Variants in ARSG observed in about 807,000 individuals in gnomAD.
The protein encoded by ARSG is arylsulfatase G.
In ARSG, 37 loss-of-function variants were observed where a neutral mutation model predicts 50.5. That is an observed-to-expected ratio of 0.73 (90% CI 0.56 to 0.96). The LOEUF (loss-of-function observed/expected upper bound fraction) is 0.96, where lower values mean the gene tolerates loss of function less well. Among genes scored for constraint, ARSG ranks in the 50% least tolerant of loss-of-function variants. The pLI is 0.00. For synonymous variants in ARSG, 225 were observed against 254.6 expected (o/e 0.88, Z 1.11); for missense variants, 629 against 675.3 (o/e 0.93, Z 0.76).
At chr17:68,440,738 T>C in the ARSG span, 2 of 152,196 alleles carry the variant, frequency 1.3e-5, no homozygotes, top group African/African-American at 4.8e-5. Flanking sequence ...CAAGAACCAA[T>C]GGCATCATCA....
chr17:68,424,770 G>C (rs2083046783), downstream of ARSG, among the ~76,000 whole-genome samples: 1 of 152,134 alleles, frequency 6.6e-6, no homozygotes, highest in Non-Finnish European at 1.5e-5. Context: ...GCAGCTACTC[G>C]GGAGGCTGAG....
chr17:68,426,261 TA>T (rs963018289), downstream of ARSG: 183 of 934,888 alleles, frequency 2.0e-4, 23 homozygotes, highest in Non-Finnish European at 2.8e-4. Flanking sequence ...GGGGCTCAAA[TA>T]AAGGGCAAAG....
In ARSG at chr17:68,370,362, A is replaced by G. The variant is rs904955460; in HGVS notation, c.902-82A>G. ...TTTCTATCTAGTTCCTGCTCTGCGC[A>G]AGGGATATAGGGCCAGAGTGGGAGG... On this transcript the variant is annotated intron_variant, in intron 7 of 11. Transcript: ENST00000621439. 43 of 1,265,864 alleles carry G rather than the reference A, an allele frequency of 3.4e-5. 1 individual carries two copies. The South Asian group carries it at 3.6e-4, about 11-fold the overall frequency. 78.4% of individuals were successfully genotyped at this position (1,265,864 alleles called of 1,614,324 possible). A position where few individuals can be genotyped will look rare whatever the true frequency, so the allele number is the denominator to read the frequency against.
At chr17:68,307,979 A>G (rs1555765073) in intron 2 of ARSG, among the ~76,000 whole-genome samples, 2 of 152,116 alleles carry the variant, frequency 1.3e-5, no homozygotes, top group African/African-American at 4.8e-5. Context: ...CCCTCAAGTT[A>G]TTCATTGTCT....
chr17:68,409,714 G>C (rs1237407520), intron 11 of ARSG, among the ~76,000 whole-genome samples: 2 of 149,452 alleles, frequency 1.3e-5, no homozygotes. Flanking sequence ...ACCTTGGGCA[G>C]TATGGCCATT....
intron 8 of ARSG, among the ~76,000 whole-genome samples, chr17:68,374,170 A>AAAAAAAG (rs2080021517): frequency 2.1e-5 from 3 of 144,290 alleles, no homozygotes; most frequent in African/African-American, 5.1e-5. Context: ...AAAAAAAAAA[A>AAAAAAAG]AAAAAGAAAC....
At position 68,347,181 on chromosome 17, in the gene ARSG, T is replaced by G; in HGVS notation, c.454+9T>G. On this transcript the variant is annotated intron_variant, in intron 4 of 11. Coordinates refer to ENST00000621439, the MANE Select transcript of ARSG (RefSeq NM_001267727.2). ...TCACCCCAACTTCCGTGGTAAGAAT[T>G]CTTTTGGGGATTTGTTACCTGGGAA... 6.2e-7 allele frequency: 1 copy of G among 1,613,368 alleles called. No homozygotes were observed. Among genetic ancestry groups the G allele is most frequent in the Non-Finnish European group, 8.5e-7 (1 of 1,179,370 alleles).
At chr17:68,451,177 T>G in the ARSG span, among the ~76,000 whole-genome samples, 1 of 152,206 alleles carries the variant, frequency 6.6e-6, no homozygotes, top group African/African-American at 2.4e-5. Context: ...CGCCTAGTAA[T>G]CCCAGCACTT....
At chr17:68,417,636 G>T (rs2082456376) in intron 11 of ARSG, among the ~76,000 whole-genome samples, 1 of 148,904 alleles carries the variant, frequency 6.7e-6, no homozygotes, top group South Asian at 2.1e-4. Context: ...CTGTTAAGTT[G>T]TGATTGTTTC....
intron 1 of ARSG, chr17:68,269,131 C>T (rs782767113): frequency 1.3e-6 from 2 of 1,512,822 alleles, no homozygotes; most frequent in African/African-American, 1.4e-5. Flanking sequence ...ACTCTGTGCT[C>T]ATTTTTTGCA....
chr17:68,294,651 C>T (rs782735084), intron 1 of ARSG, among the ~76,000 whole-genome samples: 6 of 152,292 alleles, frequency 3.9e-5, no homozygotes, highest in South Asian at 2.1e-4. Context: ...GTTCCACCCA[C>T]CATGCTCCCA....
intron 1 of ARSG, among the ~76,000 whole-genome samples, chr17:68,305,707 A>G (rs1240888790): frequency 4.6e-5 from 7 of 152,200 alleles, no homozygotes; most frequent in African/African-American, 1.2e-4. Flanking sequence ...AAGCACCCAT[A>G]TATCTGCTAC....
the ARSG span, chr17:68,430,109 C>T: frequency 1.2e-6 from 2 of 1,614,082 alleles, no homozygotes; most frequent in Admixed American, 1.7e-5. Context: ...TGGTAGCAGC[C>T]ATAAACATCT....
At chr17:68,339,207 A>C (rs1337583229) in intron 2 of ARSG, among the ~76,000 whole-genome samples, 1 of 152,224 alleles carries the variant, frequency 6.6e-6, no homozygotes, top group Non-Finnish European at 1.5e-5. Flanking sequence ...CTGAGGCAGA[A>C]GAATCGCTTG....
At position 68,400,313 on chromosome 17, in the gene ARSG, C is replaced by T. The variant is rs566220518; in HGVS notation, c.1213-1047C>T. The T allele has an allele frequency of 7.2e-5, 11 of 152,286 alleles. No individual in the cohort carries two copies. In the East Asian group the frequency reaches 7.7e-4, roughly 11 times the overall value. The allele number at this position is 152,286 out of a possible 1,614,324, so 9.4% of individuals were successfully genotyped here. On this transcript the variant is annotated intron_variant, in intron 10 of 11. Transcript: ENST00000621439. ...CTGATTTAGGTGTTTCCATTCTGTA[C>T]GGTAATTCTTTTATTTGTGACCTGA...
At chr17:68,431,963 G>A in the ARSG span, among the ~76,000 whole-genome samples, 1 of 152,140 alleles carries the variant, frequency 6.6e-6, no homozygotes, top group African/African-American at 2.4e-5. Flanking sequence ...CAGCTCAGCC[G>A]CCCTCTAGTG....
At chr17:68,337,643 GT>G (rs2078083322) in intron 2 of ARSG, among the ~76,000 whole-genome samples, 2 of 151,966 alleles carry the variant, frequency 1.3e-5, no homozygotes, top group African/African-American at 2.4e-5. Flanking sequence ...TTGAGGTGGA[GT>G]TTCGCTCTTG....
chr17:68,290,156 A>G (rs140249904), upstream of ARSG, among the ~76,000 whole-genome samples: 1 of 152,330 alleles, frequency 6.6e-6, no homozygotes, highest in East Asian at 1.9e-4. Flanking sequence ...AGGAGCTGGC[A>G]CGGAGTGTCT....
At chr17:68,296,919 G>A (rs143218047) in intron 1 of ARSG, among the ~76,000 whole-genome samples, 180 of 152,352 alleles carry the variant, frequency 1.2e-3, no homozygotes, top group African/African-American at 3.9e-3. Context: ...AGTCATCTAA[G>A]TTGAGGGGAA....
Sources: allele counts gnomAD v4.1 joint callset (sites outside exome capture counted in the v4.1 genomes callset), GRCh38; gene constraint gnomAD v4.1.1; transcripts MANE v1.5; gene names NCBI Gene and HGNC (gene_info 2026-07-23, HGNC 2026-07-21).